The following PDE4D variants were observed in gnomAD, a reference collection of about 807,000 sequenced individuals.
The protein encoded by PDE4D is 3',5'-cyclic-AMP phosphodiesterase 4D.
PDE4D carries 24 observed loss-of-function variants against 87.4 expected under a neutral mutation model. That is an observed-to-expected ratio of 0.27 (90% CI 0.20 to 0.39). PDE4D has a LOEUF of 0.39. Ranked by LOEUF, PDE4D falls within the 10% of genes least tolerant of loss-of-function variation. The pLI is 1.00. For missense variants in PDE4D, 714 were observed against 1,041.0 expected (o/e 0.69, Z 4.32); for synonymous variants, 384 against 383.2 (o/e 1.00, Z -0.02).
chr5:60,213,001 T>A (rs1204547516), intron 1 of PDE4D, among the ~76,000 whole-genome samples: 1 of 152,184 alleles, frequency 6.6e-6, no homozygotes, highest in Non-Finnish European at 1.5e-5. Flanking sequence ...CCCTTGAATG[T>A]TCATGTTCTC....
intron 1 of PDE4D, among the ~76,000 whole-genome samples, chr5:59,477,249 CA>C (rs1313286751): frequency 2.0e-5 from 3 of 147,618 alleles, no homozygotes; most frequent in African/African-American, 7.4e-5. Flanking sequence ...TCTTATAAAA[CA>C]ATTTATAAAT....
chr5:59,049,781 A>T (rs994927429), intron 5 of PDE4D, among the ~76,000 whole-genome samples: 2 of 152,218 alleles, frequency 1.3e-5, no homozygotes. Context: ...AAGAAAAGAA[A>T]GCAATTATTT....
intron 1 of PDE4D, among the ~76,000 whole-genome samples, chr5:59,579,098 C>T (rs906700603): frequency 6.6e-6 from 1 of 152,142 alleles, no homozygotes; most frequent in Non-Finnish European, 1.5e-5. Flanking sequence ...CTACTAATTC[C>T]CAAATCCATC....
intron 3 of PDE4D, among the ~76,000 whole-genome samples, chr5:59,928,321 G>C (rs1050665777): frequency 5.3e-5 from 8 of 152,154 alleles, no homozygotes; most frequent in African/African-American, 1.4e-4. Context: ...AAAGGATAAA[G>C]GAAGAAAGTA....
chr5:60,174,251 T>C lies in PDE4D; in HGVS notation c.42+11306A>G, dbSNP rs75669597. ...TACCTTAAAATATTACATGGGCCAA[T>C]GACTGAATCTTGGGGAACAGCATTG... On this transcript the variant is annotated intron_variant, in intron 2 of 16. Transcript: ENST00000502484. 3.6e-4 allele frequency among the ~76,000 whole-genome samples: 55 copies of C among 152,236 alleles called. 1 individual carries two copies. In the East Asian group the frequency reaches 0.01, roughly 28 times the overall value.
chr5:60,376,417 G>C (rs74529856), intron 1 of PDE4D, among the ~76,000 whole-genome samples: 4,098 of 152,190 alleles, frequency 0.027, 88 homozygotes, highest in Middle Eastern at 0.075. Context: ...CACACTCCCA[G>C]CATTACTCTA....
chr5:59,661,410 T>C (rs1254579798), intron 1 of PDE4D, among the ~76,000 whole-genome samples: 1 of 152,144 alleles, frequency 6.6e-6, no homozygotes, highest in Non-Finnish European at 1.5e-5. Context: ...CAAAAATTAA[T>C]GACAGATAAA....
At chr5:59,761,975 A>T (rs1364183206) in intron 1 of PDE4D, among the ~76,000 whole-genome samples, 1 of 152,042 alleles carries the variant, frequency 6.6e-6, no homozygotes, top group African/African-American at 2.4e-5. Context: ...CTATGACTTC[A>T]CTAGGTGATT....
chr5:59,283,683 G>A (rs1375513034), intron 1 of PDE4D, among the ~76,000 whole-genome samples: 2 of 152,074 alleles, frequency 1.3e-5, no homozygotes, highest in African/African-American at 4.8e-5. Context: ...TCCCTGCTAA[G>A]TATATTTCCT....
chr5:59,547,863 T>C (rs1478136237), intron 1 of PDE4D, among the ~76,000 whole-genome samples: 2 of 152,146 alleles, frequency 1.3e-5, no homozygotes, highest in African/African-American at 4.8e-5. Context: ...CAGTCACAAT[T>C]GACTCAAGGT....
intron 2 of PDE4D, among the ~76,000 whole-genome samples, chr5:60,164,565 G>A (rs773656571): frequency 7.9e-5 from 12 of 152,114 alleles, no homozygotes; most frequent in Non-Finnish European, 1.6e-4. Flanking sequence ...CTGAATATCT[G>A]TGTCACTACT....
chr5:59,300,090 C>T (rs534361957), intron 1 of PDE4D, among the ~76,000 whole-genome samples: 36 of 104,868 alleles, frequency 3.4e-4, no homozygotes, highest in South Asian at 9.4e-4. Flanking sequence ...CCAGCCTGGG[C>T]GACAGAAAAA....
At chr5:59,375,878 T>C (rs1784636310) in intron 1 of PDE4D, among the ~76,000 whole-genome samples, 1 of 152,176 alleles carries the variant, frequency 6.6e-6, no homozygotes, top group African/African-American at 2.4e-5. Flanking sequence ...CAAGGTTGGT[T>C]CAACATATGC....
At chr5:60,434,026 C>T (rs548941520) in intron 1 of PDE4D, among the ~76,000 whole-genome samples, 33 of 152,108 alleles carry the variant, frequency 2.2e-4, no homozygotes, top group African/African-American at 7.0e-4. Flanking sequence ...CCAAAACACA[C>T]CATTTATCTA....
At chr5:59,327,330 T>C (rs1329744570) in intron 1 of PDE4D, among the ~76,000 whole-genome samples, 1 of 152,086 alleles carries the variant, frequency 6.6e-6, no homozygotes, top group East Asian at 1.9e-4. Context: ...ATTATAAGTC[T>C]AAGTAAAGAG....
At chr5:60,310,662 T>C (rs1349279208) in intron 1 of PDE4D, among the ~76,000 whole-genome samples, 1 of 152,220 alleles carries the variant, frequency 6.6e-6, no homozygotes, top group Admixed American at 6.5e-5. Context: ...CATGTGCATC[T>C]GCACATGCTC....
chr5:59,670,369 A>G (rs1746986322), intron 1 of PDE4D, among the ~76,000 whole-genome samples: 2 of 152,204 alleles, frequency 1.3e-5, no homozygotes, highest in Admixed American at 1.3e-4. Flanking sequence ...TCCACAATCC[A>G]AAACTTTTTG....
Position 60,103,273 on chromosome 5 carries a change from T to C in PDE4D, c.42+82284A>G, listed in dbSNP as rs191087872. Among the ~76,000 whole-genome samples, 11 of 152,336 alleles carry C rather than the reference T, an allele frequency of 7.2e-5. No homozygotes were observed. In the East Asian group the frequency reaches 2.1e-3, roughly 29 times the overall value. ...GATTCAGATTCAAAACAAATGATGA[T>C]GATGGGCTCCTCTCTGCTTTTGGGT... is the stretch of plus-strand genomic sequence containing the variant. On this transcript the variant is annotated intron_variant, in intron 2 of 16. Transcript: ENST00000502484.
chr5:59,943,239 A>C (rs896500818), intron 3 of PDE4D, among the ~76,000 whole-genome samples: 3 of 151,854 alleles, frequency 2.0e-5, no homozygotes, highest in Admixed American at 6.6e-5. Context: ...GAGGAGACTG[A>C]GAGGGTAAGT....
Sources: allele counts gnomAD v4.1 joint callset (sites outside exome capture counted in the v4.1 genomes callset), GRCh38; gene constraint gnomAD v4.1.1; transcripts MANE v1.5; gene names NCBI Gene and HGNC (gene_info 2026-07-23, HGNC 2026-07-21).